The following GLB1L3 variants were observed in gnomAD, a reference collection of about 807,000 sequenced individuals.
GLB1L3 encodes beta-galactosidase-1-like protein 3.
A neutral mutation model predicts 89.5 loss-of-function variants in GLB1L3; 89 were observed. That is an observed-to-expected ratio of 0.99 (90% CI 0.84 to 1.19). The LOEUF is 1.19. Among genes scored for constraint, GLB1L3 ranks in the 50% most tolerant of loss-of-function variants. GLB1L3 has a pLI of 0.00. For missense variants in GLB1L3, 812 were observed against 813.3 expected, an observed-to-expected ratio of 1.00 and a Z score of 0.02; for synonymous variants, 314 against 312.3, an observed-to-expected ratio of 1.01 and a Z score of -0.06.
At chr11:134,308,819 G>T (rs1942574627) in intron 10 of GLB1L3, among the ~76,000 whole-genome samples, 1 of 152,184 alleles carries the variant, frequency 6.6e-6, no homozygotes, top group South Asian at 2.1e-4. Context: ...TCATTTAACA[G>T]ATCAGGAAGC....
intron 7 of GLB1L3, among the ~76,000 whole-genome samples, chr11:134,289,371 GGCA>G (rs1941211162): frequency 6.6e-6 from 1 of 152,106 alleles, no homozygotes; most frequent in South Asian, 2.1e-4. Flanking sequence ...ACTCAGGGGT[GGCA>G]GAAGAGGTGG....
intron 9 of GLB1L3, among the ~76,000 whole-genome samples, chr11:134,303,574 C>G (rs1297531888): frequency 2.0e-5 from 3 of 152,192 alleles, no homozygotes; most frequent in African/African-American, 7.2e-5. Context: ...GTCTAAAGTT[C>G]TGCTCTCCGC....
Position 134,313,565 on chromosome 11 carries a change from C to T in GLB1L3, c.1579+91C>T, listed in dbSNP as rs544850134. 3 of 1,087,620 alleles carry T rather than the reference C, an allele frequency of 2.8e-6. No individual in the cohort carries two copies. In the South Asian group the frequency reaches 4.2e-5, roughly 15 times the overall value. The allele number at this position is 1,087,620 out of a possible 1,614,324, so 67.4% of individuals were successfully genotyped here. A position where few individuals can be genotyped will look rare whatever the true frequency, so the allele number is the denominator to read the frequency against. On this transcript the variant is annotated intron_variant, in intron 16 of 19. Transcript: ENST00000431683. ...CGGGGGCGGGAGAGGGTGGGGAAAC[C>T]AGCCGCTCAGCAGTGGGCTACCCAG...
At chr11:134,305,752 T>G (rs900700349) in intron 9 of GLB1L3, among the ~76,000 whole-genome samples, 1 of 152,168 alleles carries the variant, frequency 6.6e-6, no homozygotes, top group African/African-American at 2.4e-5. Flanking sequence ...TTAATATGCA[T>G]AGAGATATGA....
chr11:134,294,314 C>T (rs1001259563), intron 9 of GLB1L3, among the ~76,000 whole-genome samples: 1 of 152,160 alleles, frequency 6.6e-6, no homozygotes, highest in African/African-American at 2.4e-5. Flanking sequence ...GTGATCCACC[C>T]ACCTTGGCCT....
intron 10 of GLB1L3, among the ~76,000 whole-genome samples, chr11:134,308,475 T>TC (rs1565413930): frequency 4.9e-4 from 10 of 20,378 alleles, no homozygotes; most frequent in Admixed American, 1.8e-3. Context: ...CACCACCAAA[T>TC]ACCACCACCA....
chr11:134,276,623 C>T lies in GLB1L3; in HGVS notation c.-118C>T, dbSNP rs1019504013. 20 of 951,906 alleles carry T rather than the reference C, an allele frequency of 2.1e-5. No individual in the cohort carries two copies. Among genetic ancestry groups the T allele is most frequent in the Non-Finnish European group, 2.5e-5 (18 of 722,534 alleles). The allele number at this position is 951,906 out of a possible 1,614,324, so 59.0% of individuals were successfully genotyped here. On this transcript the variant is annotated 5_prime_UTR_variant, in exon 1 of 20. Transcript: ENST00000431683. ...TTCTGCCTCGGCTGCAGGCGCAGCGCGCAGACCTGAGCCTGCCCCGCGGAA... is the reference window on the plus strand; with the variant it reads ...TTCTGCCTCGGCTGCAGGCGCAGCGTGCAGACCTGAGCCTGCCCCGCGGAA...
chr11:134,314,144 G>C, intron 17 of GLB1L3, 116 bp downstream of exon 17: 1 of 808,684 alleles, frequency 1.2e-6, no homozygotes. Flanking sequence ...ACTCCAGGCT[G>C]TTGGGTACTT....
At chr11:134,281,756 C>G (rs1940701347) in intron 4 of GLB1L3, among the ~76,000 whole-genome samples, 1 of 123,716 alleles carries the variant, frequency 8.1e-6, no homozygotes, top group South Asian at 2.8e-4. Context: ...TCTAGGCTAG[C>G]AAGGCTATGG....
At chr11:134,308,546 A>C (rs1591581065) in intron 10 of GLB1L3, among the ~76,000 whole-genome samples, 1 of 36,910 alleles carries the variant, frequency 2.7e-5, no homozygotes, top group Non-Finnish European at 7.6e-5. Context: ...CACCACCATC[A>C]CCATCACCAT....
At chr11:134,314,787 G>A (rs955706227) in intron 18 of GLB1L3, among the ~76,000 whole-genome samples, 7 of 152,082 alleles carry the variant, frequency 4.6e-5, no homozygotes, top group Middle Eastern at 3.2e-3. Context: ...GAACACACAC[G>A]TACACAATTA....
intron 9 of GLB1L3, chr11:134,305,185 T>C (rs1466741328): frequency 1.7e-6 from 2 of 1,147,234 alleles, no homozygotes; most frequent in South Asian, 2.6e-5. Context: ...TTATAGTTCT[T>C]ATCTGTGATT....
intron 18 of GLB1L3, among the ~76,000 whole-genome samples, chr11:134,317,773 C>T (rs1943045116): frequency 6.6e-6 from 1 of 152,066 alleles, no homozygotes; most frequent in Non-Finnish European, 1.5e-5. Flanking sequence ...AAATTTCCCG[C>T]TATGGTTGTA....
intron 9 of GLB1L3, among the ~76,000 whole-genome samples, chr11:134,306,205 T>C (rs969463736): frequency 3.3e-5 from 5 of 152,176 alleles, no homozygotes; most frequent in Non-Finnish European, 7.4e-5. Flanking sequence ...CAAAAACAAT[T>C]AGAATGGCAT....
chr11:134,323,017 T>G (rs951032786), downstream of GLB1L3, among the ~76,000 whole-genome samples: 10 of 152,196 alleles, frequency 6.6e-5, no homozygotes, highest in African/African-American at 2.4e-4. Context: ...GCTGCAGCAC[T>G]TTACAGTTCC....
chr11:134,277,709 G>T lies in GLB1L3; in HGVS notation c.159G>T (p.Trp53Cys), dbSNP rs77052999. The T allele has an allele frequency of 3.8e-3, 6,152 of 1,608,324 alleles. 232 individuals are homozygous for T. In the African/African-American group the frequency reaches 0.072, roughly 19 times the overall value. The change falls in exon 3 of 20, where the codon TGG becomes TGT. Residue 53 changes from tryptophan to cysteine, a missense_variant. Transcript: ENST00000431683. ...RAHPSQPRFNWSHLTPLELKN... is the reference protein window; with the variant it reads ...RAHPSQPRFNCSHLTPLELKN... ...CGCCCGCCCCCTCCAGGTTTAATTGGTCTCATCTGACCCCTCTGGAGCTGA... is the reference window on the plus strand; with the variant it reads ...CGCCCGCCCCCTCCAGGTTTAATTGTTCTCATCTGACCCCTCTGGAGCTGA...
At chr11:134,308,434 C>CCAT (rs1942452088) in intron 10 of GLB1L3, among the ~76,000 whole-genome samples, 1 of 79,686 alleles carries the variant, frequency 1.3e-5, no homozygotes, top group African/African-American at 8.3e-5. Context: ...ACCATCACCA[C>CCAT]CACCACCACC....
chr11:134,285,534 C>T (rs1478491617), intron 6 of GLB1L3, among the ~76,000 whole-genome samples: 4 of 152,052 alleles, frequency 2.6e-5, no homozygotes, highest in Non-Finnish European at 5.9e-5. Flanking sequence ...GGCTGTAATC[C>T]CAGCACTTTG....
rs771628588 is a variant in GLB1L3, at chr11:134,312,449, C to T, written c.1388C>T (p.Ser463Phe). The T allele has an allele frequency of 1.2e-6, 2 of 1,613,442 alleles. No individual in the cohort carries two copies. Among genetic ancestry groups the T allele is most frequent in the East Asian group, 4.5e-5 (2 of 44,876 alleles). Residue 463 changes from serine (S) to phenylalanine (F), a missense_variant, in exon 14 of 20, where the codon TCC becomes TTC. Ser to Phe is a radical substitution (Grantham distance 155, BLOSUM62 -2). Coordinates refer to ENST00000431683, the MANE Select transcript of GLB1L3 (RefSeq NM_001080407.3). ...GLVLYEKSIC[S>F]GGRLRAHAHD... ...GTCCTGTATGAGAAGTCCATCTGCT[C>T]CGGAGGCCGCCTCCGTGCCCACGCT...
Sources: allele counts gnomAD v4.1 joint callset (sites outside exome capture counted in the v4.1 genomes callset), GRCh38; gene constraint gnomAD v4.1.1; transcripts MANE v1.5; gene names NCBI Gene and HGNC (gene_info 2026-07-23, HGNC 2026-07-21).